Variants in SCNN1B observed in about 807,000 individuals in gnomAD.
SCNN1B encodes the protein sodium channel epithelial 1 subunit beta.
In SCNN1B, 46 loss-of-function variants were observed where a neutral mutation model predicts 65.3. That is an observed-to-expected ratio of 0.70 (90% CI 0.56 to 0.90). The LOEUF is 0.90. Ranked by LOEUF, SCNN1B falls within the 40% of genes least tolerant of loss-of-function variation. The pLI is 0.00. For synonymous variants in SCNN1B, 349 were observed against 330.6 expected (o/e 1.06, Z -0.60); for missense variants, 751 against 830.5 (o/e 0.90, Z 1.18).
chr16:23,309,791 G>T (rs181177417), intron 1 of SCNN1B, among the ~76,000 whole-genome samples: 6 of 152,156 alleles, frequency 3.9e-5, no homozygotes, highest in African/African-American at 1.4e-4. Flanking sequence ...ACCCGGGATC[G>T]ATACTTTGCA....
intron 1 of SCNN1B, among the ~76,000 whole-genome samples, chr16:23,314,353 CA>C (rs1961407765): frequency 1.3e-5 from 2 of 152,152 alleles, no homozygotes; most frequent in African/African-American, 4.8e-5. Flanking sequence ...CCCCCTTTTA[CA>C]CACAGAGAAA....
chr16:23,310,438 T>TGGAA (rs940327847), intron 1 of SCNN1B, among the ~76,000 whole-genome samples: 2 of 149,702 alleles, frequency 1.3e-5, no homozygotes, highest in Admixed American at 6.7e-5. Flanking sequence ...CCAAGCACTT[T>TGGAA]GGAAGGCCAA....
At chr16:23,338,329 C>T (rs745996293) in intron 1 of SCNN1B, among the ~76,000 whole-genome samples, 1 of 152,202 alleles carries the variant, frequency 6.6e-6, no homozygotes, top group East Asian at 1.9e-4. Context: ...GGACACTAAA[C>T]CTCAGCTGTG....
At chr16:23,366,432 G>C (rs1962671244) in intron 4 of SCNN1B, among the ~76,000 whole-genome samples, 1 of 151,980 alleles carries the variant, frequency 6.6e-6, no homozygotes, top group South Asian at 2.1e-4. Flanking sequence ...TGGCCAGGCT[G>C]ATCTCAAACT....
chr16:23,379,729 G>A (rs980235183), intron 11 of SCNN1B, among the ~76,000 whole-genome samples: 2 of 152,164 alleles, frequency 1.3e-5, no homozygotes, highest in Non-Finnish European at 2.9e-5. Context: ...GATCTTTGGG[G>A]CTGTCCCAGG....
At chr16:23,286,496 T>C (rs1489287837) in intron 2 of SCNN1B, among the ~76,000 whole-genome samples, 1 of 152,258 alleles carries the variant, frequency 6.6e-6, no homozygotes, top group East Asian at 1.9e-4. Flanking sequence ...AGACAGCCTT[T>C]CATTTTGAGC....
chr16:23,291,075 T>C lies in SCNN1B; in HGVS notation n.178+7271T>C, dbSNP rs960991884. On this transcript the variant is annotated intron_variant and non_coding_transcript_variant, in intron 2 of 3. Transcript: ENST00000569789. ...TTTACCACATTTTTTTTTCTTTTTT[T>C]TTTTTTGGCAGCATCTTGCTGTGTC... Among the ~76,000 whole-genome samples the C allele has an allele frequency of 4.6e-3, 704 of 151,876 alleles. 9 individuals are homozygous for C. The highest frequency in any genetic ancestry group is 0.015 in the African/African-American group (633 of 41,394).
In SCNN1B at chr16:23,377,429, TG is replaced by T. The variant is rs752636064; in HGVS notation, c.1404+47del. The T allele has an allele frequency of 1.6e-5, 26 of 1,601,484 alleles. No homozygotes were observed. In the African/African-American group the frequency reaches 2.5e-4, roughly 16 times the overall value. ...CAAGCTCCTGGCTCCCACCTTTGGC[TG>T]GGGACAAGTCTGGGCATAAGATGTG... On this transcript the variant is annotated intron_variant, in intron 10 of 12. Coordinates refer to ENST00000343070, the MANE Select transcript of SCNN1B (RefSeq NM_000336.3).
At position 23,282,185 on chromosome 16, in the gene SCNN1B, C is replaced by T. The variant is rs142903545; in HGVS notation, n.111-1552C>T. Among the ~76,000 whole-genome samples the T allele has an allele frequency of 1.6e-3, 245 of 152,180 alleles. 1 individual carries two copies. The highest frequency in any genetic ancestry group is 5.5e-3 in the African/African-American group (227 of 41,524). ...ATTTCACCACTACACACTATATCCA[C>T]GTACCACGACTGCACTTGTACCCAT... On this transcript the variant is annotated intron_variant and non_coding_transcript_variant, in intron 1 of 3. Transcript: ENST00000569789.
At chr16:23,292,827 TATA>T (rs910164670) in intron 2 of SCNN1B, among the ~76,000 whole-genome samples, 4 of 150,644 alleles carry the variant, frequency 2.7e-5, no homozygotes, top group African/African-American at 9.7e-5. Context: ...GAGTGAGACT[TATA>T]ATGTTTGGGT....
Position 23,375,444 on chromosome 16 carries a change from T to C in SCNN1B, c.1153-294T>C, listed in dbSNP as rs532754156. 2.0e-5 allele frequency among the ~76,000 whole-genome samples: 3 copies of C among 152,274 alleles called. No homozygotes were observed. In the East Asian group the frequency reaches 5.8e-4, roughly 29 times the overall value. ...ATTAGGGGCAAGCCGCTCTTCCCCA[T>C]GTTGAAGGGTGAGGACCCCAGCTCT... is the stretch of plus-strand genomic sequence containing the variant. On this transcript the variant is annotated intron_variant, in intron 7 of 12. Transcript: ENST00000343070.
At chr16:23,347,314 G>T (rs1962210752) in intron 1 of SCNN1B, among the ~76,000 whole-genome samples, 1 of 152,056 alleles carries the variant, frequency 6.6e-6, no homozygotes, top group Admixed American at 6.6e-5. Context: ...GCCTGTGCTA[G>T]GCTCAGTCCA....
rs545120797 is a variant in SCNN1B, at chr16:23,362,306, C to T, written c.777-5550C>T. On this transcript the variant is annotated intron_variant, in intron 4 of 12. Transcript: ENST00000343070. ...GTTGTATAGAGCCAAGATCATGCCA[C>T]TGCACTCCAGCCTGAGCAATCTCAA... Among the ~76,000 whole-genome samples, 46 of 149,664 alleles carry T rather than the reference C, an allele frequency of 3.1e-4. 1 individual carries two copies. The highest frequency in any genetic ancestry group is 3.8e-4 in the Non-Finnish European group (26 of 67,730).
intron 2 of SCNN1B, among the ~76,000 whole-genome samples, chr16:23,292,811 C>A (rs933348117): frequency 1.3e-5 from 2 of 149,962 alleles, no homozygotes; most frequent in Admixed American, 1.3e-4. Flanking sequence ...GCCAGCAATT[C>A]TAATAGAGTG....
chr16:23,353,236 G>C, intron 3 of SCNN1B, 162 bp downstream of exon 3: 2 of 843,670 alleles, frequency 2.4e-6, no homozygotes, highest in African/African-American at 1.7e-5. Context: ...AGAAATTTTT[G>C]GCATGTTAGT....
At chr16:23,314,177 G>A (rs984002390) in intron 1 of SCNN1B, among the ~76,000 whole-genome samples, 2 of 151,712 alleles carry the variant, frequency 1.3e-5, no homozygotes, top group Non-Finnish European at 2.9e-5. Flanking sequence ...ACACCACTAC[G>A]GCCAGCTAAC....
chr16:23,378,485 A>G (rs893786608), intron 10 of SCNN1B, among the ~76,000 whole-genome samples: 2 of 152,154 alleles, frequency 1.3e-5, no homozygotes, highest in African/African-American at 4.8e-5. Flanking sequence ...CAGGGTGGCC[A>G]GGCCCGCCGA....
Position 23,371,883 on chromosome 16 carries a change from G to C in SCNN1B, c.1152G>C (p.Gln384His). 6.2e-7 allele frequency: 1 copy of C among 1,608,292 alleles called. No individual in the cohort carries two copies. The highest frequency in any genetic ancestry group is 8.5e-7 in the Non-Finnish European group (1 of 1,174,628). ...YSDYNTTYSI[Q>H]ACLRSCFQDH... ...ACTACAACACGACCTACTCCATCCA[G>C]GTGGGAAGGTGGTGCACGCCTCATG... Residue 384 changes from glutamine (Q) to histidine (H), a missense_variant and splice_region_variant, in exon 7 of 13, where the codon CAG becomes CAC. Physicochemically the swap from Gln to His is conservative, Grantham distance 24 (BLOSUM62 0). Coordinates refer to ENST00000343070, the MANE Select transcript of SCNN1B (RefSeq NM_000336.3).
chr16:23,342,401 C>A (rs1230786752), intron 1 of SCNN1B, among the ~76,000 whole-genome samples: 1 of 152,218 alleles, frequency 6.6e-6, no homozygotes, highest in Non-Finnish European at 1.5e-5. Flanking sequence ...GCACGTGCCA[C>A]CACACCCGGC....
Sources: allele counts gnomAD v4.1 joint callset (sites outside exome capture counted in the v4.1 genomes callset), GRCh38; gene constraint gnomAD v4.1.1; transcripts MANE v1.5; gene names NCBI Gene and HGNC (gene_info 2026-07-23, HGNC 2026-07-21).